The following DENND3 variants were observed in gnomAD, a reference collection of about 807,000 sequenced individuals.
DENND3 encodes the protein DENN domain-containing protein 3.
Under a neutral mutation model 135.1 loss-of-function variants are expected in DENND3, and 88 were observed. The observed-to-expected ratio is 0.65, with a 90% CI of 0.55 to 0.78. DENND3 has a LOEUF of 0.78. Ranked by LOEUF, DENND3 falls within the 30% of genes least tolerant of loss-of-function variation. The probability of loss-of-function intolerance (pLI) is 0.00; values close to 1 mark genes in which losing one functional copy is unlikely to be tolerated. For synonymous variants in DENND3, 693 were observed against 712.3 expected (o/e 0.97, Z 0.43); for missense variants, 1,392 against 1,688.4 (o/e 0.82, Z 3.08).
intron 3 of DENND3, among the ~76,000 whole-genome samples, chr8:141,140,884 C>T (rs1268073855): frequency 6.6e-6 from 1 of 152,240 alleles, no homozygotes; most frequent in East Asian, 1.9e-4. Context: ...ATTTTCTCCC[C>T]TTGTAAAGCA....
intron 16 of DENND3, among the ~76,000 whole-genome samples, chr8:141,179,746 A>G (rs1213432986): frequency 6.6e-6 from 1 of 152,204 alleles, no homozygotes; most frequent in Non-Finnish European, 1.5e-5. Flanking sequence ...TGTGATCTTC[A>G]TTTGATCACG....
chr8:141,130,336 C>T lies in DENND3; in HGVS notation c.102+1527C>T, dbSNP rs1221208539. ...CCTCCCGCCTCAGCCTTTCAAAGTGCTGGGATTACAGGCGTGAGCCACTGC... is the reference window on the plus strand; with the variant it reads ...CCTCCCGCCTCAGCCTTTCAAAGTGTTGGGATTACAGGCGTGAGCCACTGC... On this transcript the variant is annotated intron_variant, in intron 1 of 22. Coordinates refer to ENST00000519811, the MANE Select transcript of DENND3 (RefSeq NM_001352890.3). The surrounding 1 kb of genome is among the most constrained non-coding windows in gnomAD (Gnocchi z 4.2). 1.3e-5 allele frequency among the ~76,000 whole-genome samples: 2 copies of T among 152,156 alleles called. No homozygotes were observed. The highest frequency in any genetic ancestry group is 2.9e-5 in the Non-Finnish European group (2 of 68,024).
chr8:141,141,274 C>T lies in DENND3; in HGVS notation c.573C>T (p.Cys191=), dbSNP rs759593386. The change falls in exon 4 of 23, where the codon TGC becomes TGT. Residue 191 remains cysteine, a synonymous_variant. Coordinates refer to ENST00000519811, the MANE Select transcript of DENND3 (RefSeq NM_001352890.3). The surrounding 1 kb of genome is among the most constrained non-coding windows in gnomAD (Gnocchi z 5.3). Reference sequence around the variant, plus strand: ...GCTGCTTCGTGCCCTTCGCGGTGTGCGTGGTCTCCAGGTTTCCCTATTACA... The same window carrying T: ...GCTGCTTCGTGCCCTTCGCGGTGTGTGTGGTCTCCAGGTTTCCCTATTACA... ...CPGCFVPFAV[C]VVSRFPYYNS... is the part of the protein sequence containing the mutation. 1.4e-5 allele frequency: 22 copies of T among 1,613,968 alleles called. No homozygotes were observed. The highest frequency in any genetic ancestry group is 1.7e-5 in the Admixed American group (1 of 60,002).
Position 141,166,850 on chromosome 8 carries a change from T to G in DENND3, c.1753+461T>G, listed in dbSNP as rs989224998. Among the ~76,000 whole-genome samples, 3 of 152,090 alleles carry G rather than the reference T, an allele frequency of 2.0e-5. No individual in the cohort carries two copies. Among genetic ancestry groups the G allele is most frequent in the Non-Finnish European group, 4.4e-5 (3 of 68,016 alleles). ...CAGGGCCAGGGATGGGGAGGGGGCT[T>G]GACTGTGGTTGGGACATTTCCACAG... On this transcript the variant is annotated intron_variant, in intron 12 of 22. Coordinates refer to ENST00000519811, the MANE Select transcript of DENND3 (RefSeq NM_001352890.3). The surrounding 1 kb of genome is among the most constrained non-coding windows in gnomAD (Gnocchi z 4.3).
At chr8:141,192,166 A>C in intron 20 of DENND3, 165 bp from the exon 21 acceptor site, 1 of 853,640 alleles carries the variant, frequency 1.2e-6, no homozygotes, top group Non-Finnish European at 1.7e-6. Flanking sequence ...TCTAGCTTGC[A>C]TTTTTTCCCA....
At chr8:141,134,989 C>T (rs1471736011) in intron 1 of DENND3, among the ~76,000 whole-genome samples, 1 of 152,148 alleles carries the variant, frequency 6.6e-6, no homozygotes, top group Non-Finnish European at 1.5e-5. Context: ...CAGGCATGCG[C>T]CACCAAGCCC....
rs184878248 is a variant in DENND3, at chr8:141,178,048, G to A, written c.2707-19G>A. 7.0e-5 allele frequency: 111 copies of A among 1,588,986 alleles called. No homozygotes were observed. The highest frequency in any genetic ancestry group is 4.5e-4 in the East Asian group (20 of 44,196). On this transcript the variant is annotated intron_variant, in intron 15 of 22. Coordinates refer to ENST00000519811, the MANE Select transcript of DENND3 (RefSeq NM_001352890.3). ...TTAGTGATTCTTGCTGTTTTGAAACGCACGTGTTTCTGTTGTAGGACCCTC... is the reference window on the plus strand; with the variant it reads ...TTAGTGATTCTTGCTGTTTTGAAACACACGTGTTTCTGTTGTAGGACCCTC...
At position 141,174,301 on chromosome 8, in the gene DENND3, C is replaced by T. The variant is rs1404527347; in HGVS notation, c.2276-899C>T. ...AAGTGGCTCTGAGTGCCACGCAAAG[C>T]AGGCTGTGAGTGCGGGTGGCTCTGA... On this transcript the variant is annotated intron_variant, in intron 13 of 22. Coordinates refer to ENST00000519811, the MANE Select transcript of DENND3 (RefSeq NM_001352890.3). This position sits in a 1 kb window ranked among gnomAD's most constrained non-coding sequence, Gnocchi z 4.6. 6.6e-6 allele frequency among the ~76,000 whole-genome samples: 1 copy of T among 152,138 alleles called. No individual in the cohort carries two copies. Among genetic ancestry groups the T allele is most frequent in the African/African-American group, 2.4e-5 (1 of 41,426 alleles).
In DENND3 at chr8:141,137,897, G is replaced by C; in HGVS notation, c.386-125G>C. The C allele has an allele frequency of 1.1e-6, 1 of 905,448 alleles. No individual in the cohort carries two copies. The highest frequency in any genetic ancestry group is 1.7e-6 in the Non-Finnish European group (1 of 598,262). The allele number at this position is 905,448 out of a possible 1,614,324, so 56.1% of individuals were successfully genotyped here. ...TGATCGGAAGAATGAACCCGCCTTG[G>C]ACATGAAGGCACCACCACTGCTAAC... On this transcript the variant is annotated intron_variant, in intron 2 of 22. Coordinates refer to ENST00000519811, the MANE Select transcript of DENND3 (RefSeq NM_001352890.3). The surrounding 1 kb of genome is among the most constrained non-coding windows in gnomAD (Gnocchi z 4.1).
At chr8:141,181,889 C>T (rs1477558639) in intron 17 of DENND3, among the ~76,000 whole-genome samples, 2 of 152,158 alleles carry the variant, frequency 1.3e-5, no homozygotes, top group Non-Finnish European at 2.9e-5. Context: ...CCTCTTGCCT[C>T]AGCCTCCTGG....
intron 2 of DENND3, 131 bp downstream of exon 2, chr8:141,136,922 T>A: frequency 1.3e-6 from 1 of 773,486 alleles, no homozygotes; most frequent in Admixed American, 4.2e-5. Flanking sequence ...CTGCCTCCTC[T>A]TGTGGGATTT....
chr8:141,138,049 A>G lies in DENND3; in HGVS notation c.413A>G (p.Lys138Arg), dbSNP rs1415156840. ...PGGVCVATEP[K>R]EDCVHFLVLT... ...GGTGTGTGCGTGGCCACTGAACCTA[A>G]GGAGGATTGCGTCCACTTCCTGGTG... The change falls in exon 3 of 23, where the codon AAG becomes AGG. Residue 138 changes from lysine (K) to arginine (R), a missense_variant. Transcript: ENST00000519811. This position sits in a 1 kb window ranked among gnomAD's most constrained non-coding sequence, Gnocchi z 4.8. 6.2e-7 allele frequency: 1 copy of G among 1,607,736 alleles called. No individual in the cohort carries two copies. Among genetic ancestry groups the G allele is most frequent in the Non-Finnish European group, 8.5e-7 (1 of 1,176,852 alleles).
intron 10 of DENND3, among the ~76,000 whole-genome samples, chr8:141,163,919 A>G (rs1820451394): frequency 1.3e-5 from 2 of 151,984 alleles, no homozygotes; most frequent in African/African-American, 4.8e-5. Flanking sequence ...AAAAAAAAAA[A>G]AAAAAAAAAG....
At chr8:141,134,819 C>T (rs1197978375) in intron 1 of DENND3, among the ~76,000 whole-genome samples, 1 of 152,122 alleles carries the variant, frequency 6.6e-6, no homozygotes, top group Non-Finnish European at 1.5e-5. Flanking sequence ...GGTCCCATTT[C>T]TCTGGATGGC....
intron 18 of DENND3, among the ~76,000 whole-genome samples, chr8:141,186,906 C>G (rs569857086): frequency 6.6e-6 from 1 of 152,336 alleles, no homozygotes; most frequent in East Asian, 1.9e-4. Flanking sequence ...TCTGTGTGCG[C>G]TTCCCTGTCG....
intron 4 of DENND3, among the ~76,000 whole-genome samples, chr8:141,143,508 G>A (rs1307262550): frequency 6.6e-6 from 1 of 152,134 alleles, no homozygotes; most frequent in African/African-American, 2.4e-5. Context: ...GGGCTCAAGT[G>A]ATCCTCCCAG....
Position 141,165,175 on chromosome 8 carries a change from C to T in DENND3, c.1450-11C>T, listed in dbSNP as rs779302938. On this transcript the variant is annotated splice_polypyrimidine_tract_variant and intron_variant, in intron 10 of 22. Coordinates refer to ENST00000519811, the MANE Select transcript of DENND3 (RefSeq NM_001352890.3). ...GCACAGCCCAGTGACCAGCCCCTCT[C>T]TCTTTTCCAGGTCTTAGACACCTAC... The T allele has an allele frequency of 6.2e-7, 1 of 1,611,474 alleles. No homozygotes were observed. The highest frequency in any genetic ancestry group is 1.1e-5 in the South Asian group (1 of 91,020).
chr8:141,156,550 C>CCATTCATTCATTCATTCACTCATT (rs1569555844), intron 8 of DENND3, among the ~76,000 whole-genome samples: 20 of 152,122 alleles, frequency 1.3e-4, no homozygotes, highest in Non-Finnish European at 2.4e-4. Flanking sequence ...AGTTCCCTAT[C>CCATTCATTCATTCATTCACTCATT]CATTCATTCA....
intron 17 of DENND3, among the ~76,000 whole-genome samples, chr8:141,184,109 C>T (rs939838610): frequency 6.6e-5 from 10 of 152,242 alleles, no homozygotes; most frequent in Non-Finnish European, 4.4e-5. Context: ...ACAGCCTCTT[C>T]CCCAGACCCT....
Sources: gnomAD v4.1 joint callset for allele counts (sites outside exome capture counted in the v4.1 genomes callset) on GRCh38, gnomAD v4.1.1 for gene constraint, Gnocchi (gnomAD v3.1) non-coding constraint, MANE v1.5 for transcripts, NCBI Gene and HGNC (gene_info 2026-07-23, HGNC 2026-07-21) for gene names.